Variants in HECW1 observed in about 807,000 individuals in gnomAD.
The protein encoded by HECW1 is E3 ubiquitin-protein ligase HECW1.
HECW1 carries 61 observed loss-of-function variants against 182.3 expected under a neutral mutation model. The ratio of observed to expected loss-of-function variants is 0.33; its 90% CI spans 0.27 to 0.41. The LOEUF is 0.41. HECW1 is among the 10% of genes least tolerant of loss of function. The pLI, the probability that HECW1 is intolerant of heterozygous loss-of-function variation, is 1.00. For synonymous variants in HECW1, 859 were observed against 832.6 expected (o/e 1.03, Z -0.55); for missense variants, 1,739 against 2,108.9 (o/e 0.82, Z 3.44).
At chr7:43,280,009 G>A (rs1444806888) in intron 3 of HECW1, among the ~76,000 whole-genome samples, 2 of 152,158 alleles carry the variant, frequency 1.3e-5, no homozygotes, top group East Asian at 3.9e-4. Context: ...ACAGCTCACT[G>A]GGGAGGCTGA....
intron 5 of HECW1, among the ~76,000 whole-genome samples, chr7:43,326,851 A>G (rs1446672275): frequency 2.6e-5 from 4 of 152,240 alleles, no homozygotes; most frequent in African/African-American, 9.6e-5. Context: ...CTTGACATTC[A>G]GAGCAATGTT....
At position 43,486,061 on chromosome 7, in the gene HECW1, A is replaced by G. The variant is rs183329219; in HGVS notation, c.3235-6014A>G. ...GTGTCATGTTCCCCTCCCTGTGTCC[A>G]TGTGTTCTCATTGTTCAACTCCCAC... On this transcript the variant is annotated intron_variant, in intron 17 of 29. Coordinates refer to ENST00000395891, the MANE Select transcript of HECW1 (RefSeq NM_015052.5). 3.9e-3 allele frequency among the ~76,000 whole-genome samples: 545 copies of G among 138,744 alleles called. 1 individual carries two copies. Among genetic ancestry groups the G allele is most frequent in the Non-Finnish European group, 6.4e-3 (418 of 64,834 alleles). 91.0% of individuals were successfully genotyped at this position (138,744 alleles called of 152,430 possible).
chr7:43,502,282 A>G (rs2079393996), intron 21 of HECW1, among the ~76,000 whole-genome samples: 1 of 152,236 alleles, frequency 6.6e-6, no homozygotes, highest in African/African-American at 2.4e-5. Context: ...ATGTATGAGA[A>G]TGAACTTGTG....
At chr7:43,495,639 T>C (rs1202904211) in intron 19 of HECW1, among the ~76,000 whole-genome samples, 1 of 152,170 alleles carries the variant, frequency 6.6e-6, no homozygotes, top group Admixed American at 6.5e-5. Context: ...ATCTTTAGCA[T>C]GAACAAGTGA....
At chr7:43,275,755 AC>A (rs1554337039) in intron 3 of HECW1, among the ~76,000 whole-genome samples, 4 of 98,364 alleles carry the variant, frequency 4.1e-5, no homozygotes, top group Non-Finnish European at 8.3e-5. Flanking sequence ...TCCCCCACTC[AC>A]TCCCTGCAAC....
At chr7:43,231,798 C>T (rs909198100) in intron 2 of HECW1, among the ~76,000 whole-genome samples, 3 of 151,582 alleles carry the variant, frequency 2.0e-5, no homozygotes, top group Admixed American at 1.3e-4. Flanking sequence ...GGGCGGATCA[C>T]GAGGTCAGGA....
At chr7:43,449,674 C>T (rs2077169733) in intron 11 of HECW1, among the ~76,000 whole-genome samples, 1 of 152,218 alleles carries the variant, frequency 6.6e-6, no homozygotes, top group African/African-American at 2.4e-5. Flanking sequence ...GATAATGGAA[C>T]ACTTGCTATT....
At chr7:43,202,011 T>G (rs1484378575) in intron 2 of HECW1, among the ~76,000 whole-genome samples, 1 of 152,206 alleles carries the variant, frequency 6.6e-6, no homozygotes, top group African/African-American at 2.4e-5. Flanking sequence ...AAGAGGTTCC[T>G]TGATGATAAT....
chr7:43,307,957 A>C (rs1008838591), intron 3 of HECW1, among the ~76,000 whole-genome samples: 4 of 134,268 alleles, frequency 3.0e-5, no homozygotes, highest in African/African-American at 1.1e-4. Flanking sequence ...TATATATTAT[A>C]TATACTGTAT....
At chr7:43,433,338 C>A (rs1018542961) in intron 8 of HECW1, among the ~76,000 whole-genome samples, 2 of 152,100 alleles carry the variant, frequency 1.3e-5, no homozygotes, top group African/African-American at 4.8e-5. Flanking sequence ...GGTTCTCCAC[C>A]CAGTTGCACA....
chr7:43,238,219 T>A (rs1182246163), intron 2 of HECW1, among the ~76,000 whole-genome samples: 1 of 152,094 alleles, frequency 6.6e-6, no homozygotes, highest in Non-Finnish European at 1.5e-5. Context: ...TGAGCAGCAA[T>A]AAAGCGCTGC....
chr7:43,313,339 A>ATTTT lies in HECW1; in HGVS notation c.352+1264_352+1267dup, dbSNP rs3032878. Reference sequence around the variant, plus strand: ...ATTGCAAAATAACAGCCTAAAGAGCATTTTTTTTTTTTTTTGAGATGGAGT... The same window carrying ATTTT: ...ATTGCAAAATAACAGCCTAAAGAGCATTTTTTTTTTTTTTTTTTTGAGATGGAGT... On this transcript the variant is annotated intron_variant, in intron 4 of 29. Transcript: ENST00000395891. 7.6e-4 allele frequency among the ~76,000 whole-genome samples: 108 copies of ATTTT among 142,722 alleles called. 2 individuals carry two copies. The highest frequency in any genetic ancestry group is 2.6e-3 in the African/African-American group (99 of 38,076). 93.6% of individuals were successfully genotyped at this position (142,722 alleles called of 152,430 possible).
chr7:43,195,775 T>C (rs73314763), intron 2 of HECW1, among the ~76,000 whole-genome samples: 3,036 of 152,310 alleles, frequency 0.02, 99 homozygotes, highest in African/African-American at 0.07. Flanking sequence ...GTTTGCCCCA[T>C]GGATTTGGGC....
chr7:43,338,948 C>T (rs1239600548), intron 5 of HECW1, among the ~76,000 whole-genome samples: 3 of 152,122 alleles, frequency 2.0e-5, no homozygotes, highest in African/African-American at 7.2e-5. Flanking sequence ...AGTAATTTCA[C>T]AATATATATA....
At chr7:43,221,537 G>GT (rs71008897) in intron 2 of HECW1, among the ~76,000 whole-genome samples, 875 of 50,508 alleles carry the variant, frequency 0.017, 250 homozygotes, top group East Asian at 0.05. Flanking sequence ...GAGGAATTAG[G>GT]TTTTTTTTTT....
intron 24 of HECW1, among the ~76,000 whole-genome samples, chr7:43,529,206 G>A (rs1046517075): frequency 6.6e-6 from 1 of 151,832 alleles, no homozygotes; most frequent in Admixed American, 6.6e-5. Context: ...CCCTACCATC[G>A]CTCCTTGCCA....
At chr7:43,515,655 A>C (rs2080113085) in intron 24 of HECW1, among the ~76,000 whole-genome samples, 1 of 152,176 alleles carries the variant, frequency 6.6e-6, no homozygotes, top group Non-Finnish European at 1.5e-5. Context: ...TCAACCTACC[A>C]TTCCTTCTTT....
At chr7:43,113,191 G>A (rs1784768890) in intron 1 of HECW1, among the ~76,000 whole-genome samples, 1 of 152,138 alleles carries the variant, frequency 6.6e-6, no homozygotes, top group Non-Finnish European at 1.5e-5. Flanking sequence ...GCCCTCCTGC[G>A]GGGTACGGAG....
chr7:43,338,508 T>C (rs913750620), intron 5 of HECW1, among the ~76,000 whole-genome samples: 2 of 152,252 alleles, frequency 1.3e-5, no homozygotes, highest in Admixed American at 1.3e-4. Flanking sequence ...TGTTGTTCTT[T>C]TGCTAATTTC....
Sources: allele counts gnomAD v4.1 joint callset (sites outside exome capture counted in the v4.1 genomes callset), GRCh38; gene constraint gnomAD v4.1.1; transcripts MANE v1.5; gene names NCBI Gene and HGNC (gene_info 2026-07-23, HGNC 2026-07-21).